The following DMD variants were observed in gnomAD, a reference collection of about 807,000 sequenced individuals.
DMD encodes the protein dystrophin, also known as mutant dystrophin.
A neutral mutation model predicts 330.1 loss-of-function variants in DMD; 63 were observed. The ratio of observed to expected loss-of-function variants is 0.19; its 90% CI spans 0.16 to 0.24. The LOEUF is 0.24. Ranked by LOEUF, DMD falls within the 10% of genes least tolerant of loss-of-function variation. The probability of loss-of-function intolerance (pLI) is 1.00; values close to 1 mark genes in which losing one functional copy is unlikely to be tolerated. For synonymous variants in DMD, 1,223 were observed against 959.8 expected (o/e 1.27, Z -5.07); for missense variants, 3,344 against 2,684.1 (o/e 1.25, Z -5.43).
intron 7 of DMD, among the ~76,000 whole-genome samples, chrX:32,762,105 C>A (rs769104439): frequency 9.4e-5 from 10 of 106,076 alleles, no homozygotes; most frequent in Non-Finnish European, 1.7e-4. Context: ...GAGGCCAGAT[C>A]GTACCACTGC....
chrX:32,485,733 G>GTTTTTTTTTTTT (rs2042374995), intron 20 of DMD, among the ~76,000 whole-genome samples: 1 of 28,959 alleles, frequency 3.5e-5, no homozygotes, highest in African/African-American at 8.1e-5. Context: ...GGCAACCACT[G>GTTTTTTTTTTTT]CTTTTTTTTT....
intron 7 of DMD, among the ~76,000 whole-genome samples, chrX:32,718,481 T>G (rs889340111): frequency 9.0e-6 from 1 of 111,644 alleles, no homozygotes; most frequent in Non-Finnish European, 1.9e-5. Context: ...TTAAGCCTCT[T>G]TTCTTTATAA....
At chrX:31,375,333 C>A (rs1348695782) in intron 60 of DMD, among the ~76,000 whole-genome samples, 2 of 111,370 alleles carry the variant, frequency 1.8e-5, no homozygotes, top group Non-Finnish European at 3.8e-5. Context: ...GCAGTCATGC[C>A]CCTTTCAGTT....
intron 2 of DMD, among the ~76,000 whole-genome samples, chrX:32,916,426 G>T (rs974679689): frequency 9.0e-6 from 1 of 111,539 alleles, no homozygotes; most frequent in East Asian, 2.8e-4. Context: ...GTCCAGAAAA[G>T]AATGAAAATA....
At chrX:31,840,333 A>G (rs2093291602) in intron 48 of DMD, among the ~76,000 whole-genome samples, 1 of 111,359 alleles carries the variant, frequency 9.0e-6, no homozygotes, top group Non-Finnish European at 1.9e-5. Context: ...AGCACTAGAA[A>G]ATTTTCAATT....
intron 50 of DMD, among the ~76,000 whole-genome samples, chrX:31,805,968 T>C (rs1193788243): frequency 8.9e-6 from 1 of 112,342 alleles, no homozygotes; most frequent in Non-Finnish European, 1.9e-5. Context: ...AACACACTTT[T>C]ATTGGAACAC....
intron 64 of DMD, among the ~76,000 whole-genome samples, chrX:31,211,241 C>T (rs952239255): frequency 1.8e-5 from 2 of 111,986 alleles, no homozygotes; most frequent in Non-Finnish European, 3.8e-5. Flanking sequence ...GAGGCTGGAG[C>T]GAGGTCCAGA....
chrX:31,479,032 C>T lies in DMD; in HGVS notation c.8619G>A (p.Leu2873=). The T allele has an allele frequency of 1.7e-6, 2 of 1,209,089 alleles. No individual in the cohort carries two copies. The highest frequency in any genetic ancestry group is 3.0e-5 in the East Asian group (1 of 33,824). ...CTAGTCCTTCCAAAGGCTGCTCTGT[C>T]AGAAATATTCGTACAGTCTCAAGAG... ...MSTLETVRIF[L]TEQPLEGLEK... Residue 2873 remains leucine (L), a synonymous_variant, in exon 58 of 79, where the codon CTG becomes CTA. Coordinates refer to ENST00000357033, the MANE Select transcript of DMD (RefSeq NM_004006.3).
At chrX:32,273,063 A>C (rs1292072541) in intron 43 of DMD, among the ~76,000 whole-genome samples, 1 of 111,720 alleles carries the variant, frequency 9.0e-6, no homozygotes, top group Non-Finnish European at 1.9e-5. Context: ...GTCAGACAAA[A>C]GTTGATGAAT....
At chrX:33,326,135 A>G (rs752540569) in intron 1 of DMD, among the ~76,000 whole-genome samples, 1 of 111,358 alleles carries the variant, frequency 9.0e-6, no homozygotes, top group African/African-American at 3.3e-5. Flanking sequence ...AGAGGGAAGA[A>G]GGATGCAATG....
intron 54 of DMD, among the ~76,000 whole-genome samples, chrX:31,645,747 G>C (rs925914530): frequency 1.8e-5 from 2 of 111,883 alleles, no homozygotes; most frequent in African/African-American, 6.5e-5. Flanking sequence ...CAAACTTTTA[G>C]AAGGGATGCA....
Position 33,275,080 on chromosome X carries a change from G to A in DMD, c.7+64179C>T, listed in dbSNP as rs758479015. 1.4e-4 allele frequency among the ~76,000 whole-genome samples: 16 copies of A among 112,034 alleles called. No individual in the cohort carries two copies. The East Asian group carries it at 4.5e-3, about 31-fold the overall frequency. The stretch of plus-strand genomic sequence containing the variant: ...GTGCTGTTTGTTTTCTAAGCAAAGG[G>A]CAGTCTCCTATCTCATGCCAAATTT... On this transcript the variant is annotated intron_variant, in intron 1 of 17. Transcript: ENST00000288447.
intron 63 of DMD, 46 bp downstream of exon 63, chrX:31,260,909 A>G (rs2050447046): frequency 1.8e-6 from 2 of 1,134,010 alleles, no homozygotes; most frequent in East Asian, 6.0e-5. Context: ...TTTATCCTAA[A>G]GGTCACCTGT....
At chrX:31,948,177 A>C (rs184745559) in intron 45 of DMD, among the ~76,000 whole-genome samples, 13 of 111,264 alleles carry the variant, frequency 1.2e-4, no homozygotes, top group African/African-American at 3.9e-4. Context: ...AGGTTCATAC[A>C]TATTGTCAAA....
At chrX:31,641,557 C>A (rs1172394764) in intron 54 of DMD, among the ~76,000 whole-genome samples, 1 of 107,351 alleles carries the variant, frequency 9.3e-6, no homozygotes, top group Non-Finnish European at 1.9e-5. Flanking sequence ...AGGACAGGCG[C>A]ACTGGGGAAA....
intron 2 of DMD, among the ~76,000 whole-genome samples, chrX:32,948,181 G>A (rs192523509): frequency 4.6e-5 from 5 of 109,028 alleles, no homozygotes; most frequent in African/African-American, 9.9e-5. Context: ...TGTATTAATA[G>A]CTAAAACCCC....
At chrX:32,435,160 T>G (rs2098254740) in intron 29 of DMD, among the ~76,000 whole-genome samples, 2 of 106,835 alleles carry the variant, frequency 1.9e-5, no homozygotes, top group Non-Finnish European at 3.9e-5. Context: ...CATTTCATTA[T>G]ATTTCATATT....
At chrX:31,313,708 C>T (rs887896936) in intron 62 of DMD, among the ~76,000 whole-genome samples, 1 of 110,342 alleles carries the variant, frequency 9.1e-6, no homozygotes, top group Non-Finnish European at 1.9e-5. Context: ...TCTCCAATGT[C>T]TATCCTTCTT....
chrX:33,328,055 A>T (rs941851266), intron 1 of DMD, among the ~76,000 whole-genome samples: 6 of 112,122 alleles, frequency 5.4e-5, no homozygotes, highest in Admixed American at 9.5e-5. Context: ...GAAAATGAAA[A>T]CTTTTTGAAT....
Sources: allele counts gnomAD v4.1 joint callset (sites outside exome capture counted in the v4.1 genomes callset), GRCh38; gene constraint gnomAD v4.1.1; transcripts MANE v1.5; gene names NCBI Gene and HGNC (gene_info 2026-07-23, HGNC 2026-07-21).